The following SDCCAG8 variants were observed in gnomAD, a reference collection of about 807,000 sequenced individuals.
SDCCAG8 encodes the protein SHH signaling and ciliogenesis regulator SDCCAG8, also known as serologically defined colon cancer antigen 8.
A neutral mutation model predicts 101.8 loss-of-function variants in SDCCAG8; 74 were observed. The observed-to-expected ratio is 0.73, with a 90% CI of 0.60 to 0.88. SDCCAG8 has a LOEUF of 0.88. Among genes scored for constraint, SDCCAG8 ranks in the 40% least tolerant of loss-of-function variants. The pLI is 0.00. For synonymous variants in SDCCAG8, 281 were observed against 292.9 expected (o/e 0.96, Z 0.41); for missense variants, 787 against 822.6 (o/e 0.96, Z 0.53).
chr1:243,475,911 G>C, intron 16 of SDCCAG8: 1 of 984,536 alleles, frequency 1.0e-6, no homozygotes, highest in Non-Finnish European at 1.2e-6. Flanking sequence ...TTGACTCCGC[G>C]TATTCCTTCT....
rs1669091896 is a variant in SDCCAG8, at chr1:243,499,963, G to GAGTC, written c.*179_*182dup. 4 of 663,268 alleles carry GAGTC rather than the reference G, an allele frequency of 6.0e-6. No individual in the cohort carries two copies. Among genetic ancestry groups the GAGTC allele is most frequent in the Non-Finnish European group, 1.1e-5 (4 of 365,234 alleles). 41.1% of individuals were successfully genotyped at this position (663,268 alleles called of 1,614,324 possible). A position where few individuals can be genotyped will look rare whatever the true frequency, so the allele number is the denominator to read the frequency against. On this transcript the variant is annotated 3_prime_UTR_variant, in exon 18 of 18. Transcript: ENST00000366541. ...CCCGCACGCAGTCGGGCTGGAGCTG[G>GAGTC]AGTCTGACTCTAGCTGAGCAGAGCT... is the stretch of plus-strand genomic sequence containing the variant.
chr1:243,271,634 C>G (rs568053082), intron 3 of SDCCAG8, among the ~76,000 whole-genome samples: 115 of 152,036 alleles, frequency 7.6e-4, no homozygotes, highest in African/African-American at 2.7e-3. Flanking sequence ...CCTCTGCCTC[C>G]CTGGTTCAAG....
chr1:243,371,214 A>T, intron 12 of SDCCAG8, among the ~76,000 whole-genome samples: 1 of 152,130 alleles, frequency 6.6e-6, no homozygotes, highest in East Asian at 1.9e-4. Flanking sequence ...TTATAGGCCA[A>T]GAGGTTTTAG....
chr1:243,357,000 A>G (rs1253915094), intron 12 of SDCCAG8, among the ~76,000 whole-genome samples: 1 of 151,918 alleles, frequency 6.6e-6, no homozygotes, highest in Non-Finnish European at 1.5e-5. Context: ...CTGTCTGAAA[A>G]GTAATAATAA....
intron 13 of SDCCAG8, among the ~76,000 whole-genome samples, chr1:243,400,037 A>G (rs1220016114): frequency 6.6e-6 from 1 of 152,214 alleles, no homozygotes; most frequent in Non-Finnish European, 1.5e-5. Context: ...CTAGGCAGCT[A>G]GGCTCCCGAC....
intron 13 of SDCCAG8, among the ~76,000 whole-genome samples, chr1:243,397,138 T>C (rs2079076580): frequency 6.6e-6 from 1 of 152,148 alleles, no homozygotes; most frequent in Non-Finnish European, 1.5e-5. Context: ...CCAGAGCCAG[T>C]TTATTTAAAG....
In SDCCAG8 at chr1:243,485,064, A is replaced by C. The variant is rs537667770; in HGVS notation, c.1986-3950A>C. Among the ~76,000 whole-genome samples the C allele has an allele frequency of 7.3e-5, 11 of 151,254 alleles. No individual in the cohort carries two copies. The South Asian group carries it at 1.0e-3, about 14-fold the overall frequency. On this transcript the variant is annotated intron_variant, in intron 16 of 17. Coordinates refer to ENST00000366541, the MANE Select transcript of SDCCAG8 (RefSeq NM_006642.5). ...ATCTCAAAAAAAAAAAAAGAAGAAG[A>C]AGCAGAAGAAGAGAGGTGTTTAGCA...
intron 16 of SDCCAG8, among the ~76,000 whole-genome samples, chr1:243,449,016 A>G (rs558237060): frequency 6.6e-6 from 1 of 152,282 alleles, no homozygotes; most frequent in Non-Finnish European, 1.5e-5. Context: ...AAACCTACTC[A>G]CTATATGTGT....
chr1:243,266,943 CAAAAAAA>C (rs376247572), intron 1 of SDCCAG8, among the ~76,000 whole-genome samples: 2 of 100,612 alleles, frequency 2.0e-5, no homozygotes, highest in Non-Finnish European at 3.9e-5. Context: ...AACTTCGTCT[CAAAAAAA>C]AAAAAAAAAA....
chr1:243,257,977 G>A (rs890171965), intron 1 of SDCCAG8, among the ~76,000 whole-genome samples: 8 of 152,050 alleles, frequency 5.3e-5, no homozygotes, highest in Non-Finnish European at 7.4e-5. Context: ...GCATTTTGAC[G>A]CAGTAAAGGG....
At chr1:243,331,076 A>G (rs1473294514) in intron 10 of SDCCAG8, among the ~76,000 whole-genome samples, 1 of 152,180 alleles carries the variant, frequency 6.6e-6, no homozygotes, top group East Asian at 1.9e-4. Flanking sequence ...TCCTACCCCT[A>G]AATTAAATAT....
At chr1:243,456,271 C>A (rs1170500916) in intron 16 of SDCCAG8, among the ~76,000 whole-genome samples, 1 of 152,122 alleles carries the variant, frequency 6.6e-6, no homozygotes. Context: ...CTTGAGCCTG[C>A]CCTGGTTGGT....
At chr1:243,486,346 T>A (rs1456367922) in intron 16 of SDCCAG8, among the ~76,000 whole-genome samples, 2 of 152,080 alleles carry the variant, frequency 1.3e-5, no homozygotes, top group Admixed American at 1.3e-4. Flanking sequence ...TTCTTAGGGA[T>A]CTCACTTCTC....
chr1:243,462,964 T>C (rs1245531575), intron 16 of SDCCAG8, among the ~76,000 whole-genome samples: 1 of 152,250 alleles, frequency 6.6e-6, no homozygotes, highest in Non-Finnish European at 1.5e-5. Context: ...GAAATGGTTT[T>C]GTCAGTGGTT....
At position 243,271,158 on chromosome 1, in the gene SDCCAG8, G is replaced by T. The variant is rs994962493; in HGVS notation, c.306+95G>T. The T allele has an allele frequency of 1.6e-5, 13 of 825,944 alleles. No homozygotes were observed. In the African/African-American group the frequency reaches 2.0e-4, roughly 13 times the overall value. 51.2% of individuals were successfully genotyped at this position (825,944 alleles called of 1,614,324 possible). ...ATGTTGCAGAAAAAATTTAAGCATG[G>T]CATACTAATAGTGAAAAACATTAAA... On this transcript the variant is annotated intron_variant, in intron 3 of 17. Coordinates refer to ENST00000366541, the MANE Select transcript of SDCCAG8 (RefSeq NM_006642.5).
At chr1:243,348,479 C>T (rs1485591799) in intron 12 of SDCCAG8, among the ~76,000 whole-genome samples, 1 of 152,036 alleles carries the variant, frequency 6.6e-6, no homozygotes, top group Non-Finnish European at 1.5e-5. Flanking sequence ...ACACACCTCC[C>T]CCAGTGACAT....
intron 10 of SDCCAG8, among the ~76,000 whole-genome samples, chr1:243,331,357 A>G (rs962568038): frequency 2.0e-5 from 3 of 152,236 alleles, no homozygotes; most frequent in Non-Finnish European, 2.9e-5. Flanking sequence ...AACCAAAACA[A>G]CTGTGTTACA....
intron 16 of SDCCAG8, among the ~76,000 whole-genome samples, chr1:243,426,946 A>G (rs567642333): frequency 6.6e-6 from 1 of 152,232 alleles, no homozygotes; most frequent in Non-Finnish European, 1.5e-5. Context: ...AAGAGGTTAA[A>G]CATCTTATCA....
chr1:243,412,470 C>T (rs996206446), intron 13 of SDCCAG8, among the ~76,000 whole-genome samples: 2 of 152,186 alleles, frequency 1.3e-5, no homozygotes, highest in African/African-American at 4.8e-5. Flanking sequence ...CCATCCAGGC[C>T]GCAAGCAGAG....
Sources: gnomAD v4.1 joint callset for allele counts (sites outside exome capture counted in the v4.1 genomes callset) on GRCh38, gnomAD v4.1.1 for gene constraint, MANE v1.5 for transcripts, NCBI Gene and HGNC (gene_info 2026-07-23, HGNC 2026-07-21) for gene names.